Variants in CNTN6 observed in about 807,000 individuals in gnomAD.
CNTN6 encodes the protein contactin-6.
CNTN6 carries 137 observed loss-of-function variants against 122.8 expected under a neutral mutation model. That is an observed-to-expected ratio of 1.12 (90% CI 0.97 to 1.29). CNTN6 has a LOEUF of 1.29. Among genes scored for constraint, CNTN6 ranks in the 50% most tolerant of loss-of-function variants. CNTN6 has a pLI of 0.00. For missense variants in CNTN6, 1,634 were observed against 1,223.4 expected (o/e 1.34, Z -5.01); for synonymous variants, 570 against 426.0 (o/e 1.34, Z -4.16).
chr3:1,372,997 C>A, intron 14 of CNTN6, 42 bp downstream of exon 14: 1 of 1,130,960 alleles, frequency 8.8e-7, no homozygotes, highest in Non-Finnish European at 1.3e-6. Context: ...TGTTTCTTCA[C>A]AGTTACAGTG....
At chr3:1,314,610 G>A (rs1006013517) in intron 7 of CNTN6, among the ~76,000 whole-genome samples, 2 of 151,966 alleles carry the variant, frequency 1.3e-5, no homozygotes, top group African/African-American at 2.4e-5. Flanking sequence ...CTCGAAATCA[G>A]GATGAACTAG....
At chr3:1,158,808 A>ACATATATGTGTG (rs2093039390) in intron 2 of CNTN6, among the ~76,000 whole-genome samples, 26 of 39,246 alleles carry the variant, frequency 6.6e-4, no homozygotes, top group East Asian at 2.4e-3. Flanking sequence ...ATATACACAC[A>ACATATATGTGTG]TATATATACA....
intron 2 of CNTN6, among the ~76,000 whole-genome samples, chr3:1,217,035 C>A (rs1354724422): frequency 6.6e-6 from 1 of 152,102 alleles, no homozygotes; most frequent in Non-Finnish European, 1.5e-5. Flanking sequence ...TTGTGAGGCA[C>A]AATGTGACAT....
At chr3:1,317,364 T>C (rs182166850) in intron 7 of CNTN6, among the ~76,000 whole-genome samples, 29 of 151,890 alleles carry the variant, frequency 1.9e-4, no homozygotes, top group African/African-American at 6.8e-4. Context: ...AACTGAGGCA[T>C]TCAGAATCTA....
chr3:1,293,979 G>A (rs1299157772), intron 5 of CNTN6, among the ~76,000 whole-genome samples: 2 of 152,120 alleles, frequency 1.3e-5, no homozygotes, highest in African/African-American at 2.4e-5. Context: ...GTGAGGTTAT[G>A]GGACAACTGG....
chr3:1,304,151 C>G (rs1015526908), intron 7 of CNTN6, among the ~76,000 whole-genome samples: 3 of 152,150 alleles, frequency 2.0e-5, no homozygotes, highest in Admixed American at 1.3e-4. Flanking sequence ...TTATGTCTCC[C>G]CTACCTACTC....
intron 2 of CNTN6, among the ~76,000 whole-genome samples, chr3:1,214,410 G>A (rs2094099807): frequency 7.3e-6 from 1 of 137,606 alleles, no homozygotes. Context: ...CTGAGTTCAA[G>A]CGATTCTCCT....
At chr3:1,310,249 C>T (rs1699021699) in intron 7 of CNTN6, among the ~76,000 whole-genome samples, 1 of 152,124 alleles carries the variant, frequency 6.6e-6, no homozygotes, top group South Asian at 2.1e-4. Flanking sequence ...GATGCTAGTG[C>T]TACATTTTTT....
intron 2 of CNTN6, among the ~76,000 whole-genome samples, chr3:1,154,448 C>CTTTTCTTTTCTTT (rs1575043271): frequency 7.1e-5 from 10 of 140,510 alleles, no homozygotes; most frequent in African/African-American, 2.8e-4. Context: ...TCTTTTCTTT[C>CTTTTCTTTTCTTT]TTTTTTTTTT....
intron 8 of CNTN6, among the ~76,000 whole-genome samples, chr3:1,322,457 T>C (rs1700988614): frequency 6.6e-6 from 1 of 151,774 alleles, no homozygotes; most frequent in Admixed American, 6.6e-5. Flanking sequence ...AAGTAAACAA[T>C]ACAATATATC....
At chr3:1,135,846 G>C (rs1197404997) in intron 1 of CNTN6, among the ~76,000 whole-genome samples, 1 of 152,070 alleles carries the variant, frequency 6.6e-6, no homozygotes, top group Non-Finnish European at 1.5e-5. Flanking sequence ...ACAAAAATTA[G>C]CTGGGCACGG....
At chr3:1,318,792 A>G (rs1381078803) in intron 7 of CNTN6, among the ~76,000 whole-genome samples, 2 of 151,716 alleles carry the variant, frequency 1.3e-5, no homozygotes, top group Admixed American at 6.6e-5. Context: ...GTAAATTCCT[A>G]GGTACTTTCA....
At chr3:1,145,954 T>A (rs1196363206) in intron 1 of CNTN6, among the ~76,000 whole-genome samples, 1 of 152,132 alleles carries the variant, frequency 6.6e-6, no homozygotes, top group Non-Finnish European at 1.5e-5. Context: ...GTGGTAATAT[T>A]TAAATGAGTA....
intron 17 of CNTN6, among the ~76,000 whole-genome samples, chr3:1,381,104 C>G (rs1691805397): frequency 1.3e-5 from 2 of 152,116 alleles, no homozygotes; most frequent in African/African-American, 4.8e-5. Context: ...ATGAGAAACA[C>G]TAATTGTACT....
chr3:1,375,615 G>C (rs1022979169), intron 16 of CNTN6, among the ~76,000 whole-genome samples: 2 of 152,082 alleles, frequency 1.3e-5, no homozygotes, highest in Non-Finnish European at 2.9e-5. Context: ...ATAGTGTGCA[G>C]TTAGTCACTC....
intron 20 of CNTN6, 54 bp from the exon 21 acceptor site, chr3:1,401,379 C>G: frequency 2.1e-6 from 3 of 1,442,770 alleles, no homozygotes; most frequent in Non-Finnish European, 2.9e-6. Context: ...ATGCATCATA[C>G]TTTGACCATG....
chr3:1,303,198 G>A (rs1454334264), intron 7 of CNTN6, among the ~76,000 whole-genome samples: 1 of 133,818 alleles, frequency 7.5e-6, no homozygotes, highest in Non-Finnish European at 1.6e-5. Context: ...ATTAATTATA[G>A]TAATTCAAAA....
chr3:1,265,179 T>C (rs1389766353), intron 4 of CNTN6, among the ~76,000 whole-genome samples: 2 of 151,738 alleles, frequency 1.3e-5, no homozygotes, highest in African/African-American at 2.4e-5. Flanking sequence ...AATGCAGATA[T>C]CTCTTTGGCA....
intron 4 of CNTN6, among the ~76,000 whole-genome samples, chr3:1,263,471 T>C (rs1325026463): frequency 6.6e-6 from 1 of 151,980 alleles, no homozygotes; most frequent in Non-Finnish European, 1.5e-5. Flanking sequence ...ATACACAAAG[T>C]GGTGGATATT....
Sources: allele counts gnomAD v4.1 joint callset (sites outside exome capture counted in the v4.1 genomes callset), GRCh38; gene constraint gnomAD v4.1.1; transcripts MANE v1.5; gene names NCBI Gene and HGNC (gene_info 2026-07-23, HGNC 2026-07-21).